The following RERE variants were observed in gnomAD, a reference collection of about 807,000 sequenced individuals.
RERE encodes the protein arginine-glutamic acid dipeptide repeats protein.
Under a neutral mutation model 146.1 loss-of-function variants are expected in RERE, and 40 were observed. That is an observed-to-expected ratio of 0.27 (90% confidence interval 0.21 to 0.36). The LOEUF (loss-of-function observed/expected upper bound fraction) is 0.36, where lower values mean the gene tolerates loss of function less well. Among genes scored for constraint, RERE ranks in the 10% least tolerant of loss-of-function variants. The pLI, the probability that RERE is intolerant of heterozygous loss-of-function variation, is 1.00. For missense variants in RERE, 1,933 were observed against 2,138.7 expected (o/e 0.90, Z 1.90); for synonymous variants, 1,003 against 866.0 (o/e 1.16, Z -2.78).
intron 12 of RERE, among the ~76,000 whole-genome samples, chr1:8,388,471 C>A (rs1298695833): frequency 6.6e-6 from 1 of 152,172 alleles, no homozygotes; most frequent in Non-Finnish European, 1.5e-5. Flanking sequence ...AGGCGCCCGC[C>A]ACCGCGCCCG....
At chr1:8,388,397 G>C (rs968558983) in intron 12 of RERE, among the ~76,000 whole-genome samples, 2 of 151,424 alleles carry the variant, frequency 1.3e-5, no homozygotes, top group East Asian at 3.9e-4. Context: ...TCGGCTCACT[G>C]CAAGCTCCGC....
chr1:8,501,402 G>A (rs1645151952), intron 8 of RERE, among the ~76,000 whole-genome samples: 1 of 75,964 alleles, frequency 1.3e-5, no homozygotes, highest in Non-Finnish European at 2.6e-5. Flanking sequence ...CCCCCGCCCG[G>A]CCAGCCGCCC....
chr1:8,402,906 C>T lies in RERE; in HGVS notation c.1284+19821G>A, dbSNP rs559265542. Among the ~76,000 whole-genome samples the T allele has an allele frequency of 2.6e-5, 4 of 152,126 alleles. No homozygotes were observed. The South Asian group carries it at 6.2e-4, about 24-fold the overall frequency. ...TTCAAACCAATGATCCAGTTTCTTT[C>T]GCTTTTTTTTGAGATGGAGTCTCGC... On this transcript the variant is annotated intron_variant, in intron 12 of 22. Coordinates refer to ENST00000400908, the MANE Select transcript of RERE (RefSeq NM_001042681.2).
At chr1:8,641,625 C>A (rs1265244004) in intron 2 of RERE, among the ~76,000 whole-genome samples, 1 of 152,306 alleles carries the variant, frequency 6.6e-6, no homozygotes, top group East Asian at 1.9e-4. Flanking sequence ...TCTCCACACA[C>A]TACTGAATTA....
intron 4 of RERE, among the ~76,000 whole-genome samples, chr1:8,575,561 A>ATATATATT (rs1337650659): frequency 1.2e-3 from 114 of 98,644 alleles, no homozygotes; most frequent in Non-Finnish European, 1.9e-3. Flanking sequence ...ATATATATAT[A>ATATATATT]TTTTTTTTTT....
intron 1 of RERE, among the ~76,000 whole-genome samples, chr1:8,719,586 T>G (rs983868059): frequency 2.0e-5 from 3 of 152,140 alleles, no homozygotes; most frequent in African/African-American, 7.2e-5. Context: ...TGACAGAGAT[T>G]TGCCCTCTGC....
At chr1:8,714,333 C>T (rs1639722381) in intron 1 of RERE, among the ~76,000 whole-genome samples, 1 of 152,152 alleles carries the variant, frequency 6.6e-6, no homozygotes, top group South Asian at 2.1e-4. Context: ...TCCTAAAAGG[C>T]CCATACTGGC....
In RERE at chr1:8,385,107, G is replaced by C. The variant is rs1208240161; in HGVS notation, c.1285-19133C>G. On this transcript the variant is annotated intron_variant, in intron 12 of 22. Transcript: ENST00000400908. ...GCAAGACTGAGTCAAGCATGGCCTT[G>C]GGTCTATGCTGTTCTTTATGGGAAG... Among the ~76,000 whole-genome samples the C allele has an allele frequency of 2.0e-5, 3 of 152,168 alleles. No homozygotes were observed. In the East Asian group the frequency reaches 5.8e-4, roughly 29 times the overall value.
At chr1:8,434,309 C>G (rs1374595823) in intron 11 of RERE, among the ~76,000 whole-genome samples, 8 of 152,186 alleles carry the variant, frequency 5.3e-5, no homozygotes, top group South Asian at 2.1e-4. Flanking sequence ...CTCAACACAC[C>G]CTGCCACACC....
At chr1:8,571,507 T>C (rs1217263236) in intron 4 of RERE, among the ~76,000 whole-genome samples, 1 of 152,170 alleles carries the variant, frequency 6.6e-6, no homozygotes, top group African/African-American at 2.4e-5. Context: ...AGCCAGCAAC[T>C]TACCAATAAA....
Position 8,668,416 on chromosome 1 carries a change from G to C in RERE, c.-144-11975C>G, listed in dbSNP as rs1167256501. 2.0e-5 allele frequency among the ~76,000 whole-genome samples: 3 copies of C among 152,162 alleles called. No individual in the cohort carries two copies. The East Asian group carries it at 5.8e-4, about 29-fold the overall frequency. On this transcript the variant is annotated intron_variant, in intron 1 of 22. Coordinates refer to ENST00000400908, the MANE Select transcript of RERE (RefSeq NM_001042681.2). ...AAGCTTCCGCTGTCACACAACTAAA[G>C]AGAAAACCTGGTGTCCACAAATGCC... is the stretch of plus-strand genomic sequence containing the variant.
At chr1:8,475,596 C>G (rs942099236) in intron 10 of RERE, among the ~76,000 whole-genome samples, 4 of 151,570 alleles carry the variant, frequency 2.6e-5, no homozygotes, top group Non-Finnish European at 5.9e-5. Flanking sequence ...GCAGAAGAAT[C>G]TCTTGAACCC....
At chr1:8,518,733 C>T (rs375849695) in intron 7 of RERE, among the ~76,000 whole-genome samples, 2 of 152,180 alleles carry the variant, frequency 1.3e-5, no homozygotes, top group African/African-American at 2.4e-5. Context: ...CAAAGCTGCC[C>T]TGAACAAGTC....
At chr1:8,426,116 C>T (rs1243200108) in intron 11 of RERE, among the ~76,000 whole-genome samples, 1 of 152,168 alleles carries the variant, frequency 6.6e-6, no homozygotes, top group African/African-American at 2.4e-5. Flanking sequence ...CTTTCCTCTT[C>T]TCGGGTCCAA....
intron 1 of RERE, among the ~76,000 whole-genome samples, chr1:8,705,578 C>T (rs977917671): frequency 2.6e-5 from 4 of 152,150 alleles, no homozygotes; most frequent in East Asian, 1.9e-4. Context: ...CATTGATCTC[C>T]GTTTGTAAGT....
chr1:8,520,395 T>C (rs148675291), intron 7 of RERE, among the ~76,000 whole-genome samples: 86 of 152,206 alleles, frequency 5.7e-4, no homozygotes, highest in African/African-American at 1.7e-3. Context: ...AACTAGAAAT[T>C]TGGCATTGCC....
intron 7 of RERE, among the ~76,000 whole-genome samples, chr1:8,510,221 A>AT (rs1645316206): frequency 6.6e-6 from 1 of 152,156 alleles, no homozygotes; most frequent in African/African-American, 2.4e-5. Context: ...ATTCATCAAC[A>AT]TAAGACACTT....
At chr1:8,613,531 C>G (rs901091869) in intron 4 of RERE, among the ~76,000 whole-genome samples, 1 of 152,222 alleles carries the variant, frequency 6.6e-6, no homozygotes, top group African/African-American at 2.4e-5. Flanking sequence ...AGAACTTCCC[C>G]AAGTGCCACA....
At chr1:8,769,230 A>G (rs980260791) in intron 1 of RERE, among the ~76,000 whole-genome samples, 1 of 152,168 alleles carries the variant, frequency 6.6e-6, no homozygotes, top group South Asian at 2.1e-4. Context: ...GCTGTATTTT[A>G]TTATTAGGAA....
Sources: gnomAD v4.1 joint callset for allele counts (sites outside exome capture counted in the v4.1 genomes callset) on GRCh38, gnomAD v4.1.1 for gene constraint, MANE v1.5 for transcripts, NCBI Gene and HGNC (gene_info 2026-07-23, HGNC 2026-07-21) for gene names.